PI4KA: variants seen among roughly 807,000 people sequenced by gnomAD.
The protein encoded by PI4KA is phosphatidylinositol 4-kinase alpha.
Under a neutral mutation model 271.4 loss-of-function variants are expected in PI4KA, and 122 were observed. The ratio of observed to expected loss-of-function variants is 0.45; its 90% CI spans 0.39 to 0.52. The LOEUF is 0.52. Among genes scored for constraint, PI4KA ranks in the 20% least tolerant of loss-of-function variants. The pLI is 0.00. For synonymous variants in PI4KA, 1,041 were observed against 1,078.8 expected (o/e 0.96, Z 0.69); for missense variants, 1,969 against 2,769.1 (o/e 0.71, Z 6.48).
intron 23 of PI4KA, among the ~76,000 whole-genome samples, chr22:20,758,297 G>A (rs1467028189): frequency 6.0e-5 from 9 of 148,918 alleles, no homozygotes; most frequent in East Asian, 3.9e-4. Context: ...CCTGGGAGGC[G>A]GAGCTTGCAG....
Position 20,726,474 on chromosome 22 carries a change from A to ATC in PI4KA, c.4995+13_4995+14insGA. The ATC allele has an allele frequency of 6.5e-7, 1 of 1,546,702 alleles. No individual in the cohort carries two copies. The highest frequency in any genetic ancestry group is 1.3e-5 in the South Asian group (1 of 79,434). ...CTGTGAGTGAAGAGGACGGCCATGC[A>ATC]GGTGCAGGCTTACCTTGTCGTACCT... On this transcript the variant is annotated intron_variant, in intron 42 of 54. Transcript: ENST00000255882.
chr22:20,832,209 G>C (rs1426367196), intron 3 of PI4KA, among the ~76,000 whole-genome samples: 1 of 146,360 alleles, frequency 6.8e-6, no homozygotes, highest in African/African-American at 2.5e-5. Context: ...TCTGCCTCCC[G>C]GGTTCAAGCG....
At chr22:20,837,873 C>T (rs1345853666) in intron 2 of PI4KA, among the ~76,000 whole-genome samples, 3 of 152,076 alleles carry the variant, frequency 2.0e-5, no homozygotes, top group Non-Finnish European at 2.9e-5. Context: ...AATCCTAACA[C>T]TTTGGGAGGC....
At chr22:20,828,650 G>A (rs1207802603) in intron 3 of PI4KA, among the ~76,000 whole-genome samples, 2 of 151,928 alleles carry the variant, frequency 1.3e-5, no homozygotes, top group Non-Finnish European at 2.9e-5. Context: ...TGCCTCCCGG[G>A]TTCAAGCGAT....
intron 3 of PI4KA, among the ~76,000 whole-genome samples, chr22:20,826,208 T>C (rs1022536846): frequency 1.3e-5 from 2 of 152,062 alleles, no homozygotes; most frequent in African/African-American, 4.8e-5. Context: ...CCGGGTGTAG[T>C]GGCACATGCC....
chr22:20,842,082 G>T (rs1341152259), intron 1 of PI4KA, among the ~76,000 whole-genome samples: 1 of 152,132 alleles, frequency 6.6e-6, no homozygotes, highest in African/African-American at 2.4e-5. Flanking sequence ...CGGGCATGGT[G>T]GCAGGCCCCG....
Position 20,735,376 on chromosome 22 carries a change from G to A in PI4KA, c.3742-823C>T, listed in dbSNP as rs536262755. 1.7e-4 allele frequency among the ~76,000 whole-genome samples: 25 copies of A among 149,574 alleles called. No individual in the cohort carries two copies. The East Asian group carries it at 2.2e-3, about 13-fold the overall frequency. Reference sequence around the variant, plus strand: ...GCGCCTGTGCAGAGGTGGCAACGAGGCCTAGTGAGTAGAACACACACCGCG... The same window carrying A: ...GCGCCTGTGCAGAGGTGGCAACGAGACCTAGTGAGTAGAACACACACCGCG... On this transcript the variant is annotated intron_variant, in intron 32 of 54. Coordinates refer to ENST00000255882, the MANE Select transcript of PI4KA (RefSeq NM_058004.4).
chr22:20,858,739 G>A lies in PI4KA; in HGVS notation c.-14C>T, dbSNP rs755849806. 7.2e-7 allele frequency: 1 copy of A among 1,379,368 alleles called. No homozygotes were observed. The highest frequency in any genetic ancestry group is 1.6e-5 in the South Asian group (1 of 63,368). 85.4% of individuals were successfully genotyped at this position (1,379,368 alleles called of 1,614,324 possible). On this transcript the variant is annotated 5_prime_UTR_variant, in exon 1 of 55. Transcript: ENST00000255882. ...GGCCGCCGCCATCACCTCACGAGCCGCGGCGCTGCCCGCCGGCTCCCCGCT... is the reference window on the plus strand; with the variant it reads ...GGCCGCCGCCATCACCTCACGAGCCACGGCGCTGCCCGCCGGCTCCCCGCT...
At chr22:20,858,303 C>G (rs1002192307) in intron 1 of PI4KA, among the ~76,000 whole-genome samples, 2 of 152,170 alleles carry the variant, frequency 1.3e-5, no homozygotes, top group African/African-American at 2.4e-5. Context: ...GGGCCAGCAG[C>G]TCACATCCCC....
chr22:20,802,926 C>T (rs1935411394), intron 13 of PI4KA, among the ~76,000 whole-genome samples: 1 of 152,082 alleles, frequency 6.6e-6, no homozygotes, highest in South Asian at 2.1e-4. Context: ...GTTTGGGGCA[C>T]ACAGGATTTG....
chr22:20,825,102 G>C (rs1923241265), intron 3 of PI4KA, among the ~76,000 whole-genome samples: 1 of 142,852 alleles, frequency 7.0e-6, no homozygotes, highest in African/African-American at 2.6e-5. Flanking sequence ...TTTGAATATT[G>C]AATGTTGAAT....
At chr22:20,853,439 G>A (rs1356732611) in intron 1 of PI4KA, among the ~76,000 whole-genome samples, 2 of 152,214 alleles carry the variant, frequency 1.3e-5, no homozygotes, top group Non-Finnish European at 2.9e-5. Context: ...AACAAGACTA[G>A]CGGGCAGATA....
chr22:20,732,580 T>C lies in PI4KA; in HGVS notation c.4288+391A>G, dbSNP rs138149825. Among the ~76,000 whole-genome samples, 939 of 152,276 alleles carry C rather than the reference T, an allele frequency of 6.2e-3. 10 individuals carry two copies. Among genetic ancestry groups the C allele is most frequent in the African/African-American group, 0.021 (883 of 41,556 alleles). On this transcript the variant is annotated intron_variant, in intron 36 of 54. Transcript: ENST00000255882. ...GAGGAGTGCTCCCATAGTTCCCTCA[T>C]ATTGAAATCACCTGTCCATTTGACT...
chr22:20,793,234 T>C lies in PI4KA; in HGVS notation c.2287A>G (p.Ser763Gly). 6.4e-7 allele frequency: 1 copy of C among 1,569,882 alleles called. No individual in the cohort carries two copies. Among genetic ancestry groups the C allele is most frequent in the Non-Finnish European group, 8.8e-7 (1 of 1,139,832 alleles). The change falls in exon 19 of 55, where the codon AGT becomes GGT. Residue 763 changes from serine (S) to glycine (G), a missense_variant. By Grantham distance (56) the Ser-to-Gly change is moderately conservative. Coordinates refer to ENST00000255882, the MANE Select transcript of PI4KA (RefSeq NM_058004.4). ...ATGAGTACTCCCAAGTTCCCTGCAC[T>C]GCTAGAAGCCTAGAAAAGAACAGAA... ...EKGPALKASS[S>G]AGNLGVLIPV...
At chr22:20,854,790 C>T (rs1306874891) in intron 1 of PI4KA, among the ~76,000 whole-genome samples, 1 of 152,166 alleles carries the variant, frequency 6.6e-6, no homozygotes, top group East Asian at 1.9e-4. Context: ...TTTAAATACT[C>T]ATCTCCCCCT....
intron 19 of PI4KA, among the ~76,000 whole-genome samples, chr22:20,777,033 G>GC: frequency 9.2e-6 from 1 of 108,732 alleles, no homozygotes; most frequent in Non-Finnish European, 1.9e-5. Flanking sequence ...ACAAAAGGCA[G>GC]TTTTTTTTTG....
chr22:20,765,807 G>T (rs765340758), intron 19 of PI4KA, 114 bp from the exon 20 acceptor site: 1 of 684,448 alleles, frequency 1.5e-6, no homozygotes, highest in South Asian at 1.7e-5. Flanking sequence ...CAGAAACTCA[G>T]ACTGGGTAGG....
intron 41 of PI4KA, among the ~76,000 whole-genome samples, chr22:20,726,952 G>A (rs1255707900): frequency 3.3e-5 from 5 of 152,122 alleles, no homozygotes; most frequent in Non-Finnish European, 7.3e-5. Flanking sequence ...CTGCTGTGTG[G>A]GGTGTGCACA....
intron 19 of PI4KA, among the ~76,000 whole-genome samples, chr22:20,788,842 CT>C (rs1934443625): frequency 2.0e-5 from 3 of 152,206 alleles, no homozygotes; most frequent in Non-Finnish European, 2.9e-5. Flanking sequence ...TCCTATATTT[CT>C]CATCTTGCTG....
Sources: gnomAD v4.1 joint callset for allele counts (sites outside exome capture counted in the v4.1 genomes callset) on GRCh38, gnomAD v4.1.1 for gene constraint, MANE v1.5 for transcripts, NCBI Gene and HGNC (gene_info 2026-07-23, HGNC 2026-07-21) for gene names.